The following NUFIP2 variants were observed in gnomAD, a reference collection of about 807,000 sequenced individuals.
NUFIP2 encodes nuclear FMR1 interacting protein 2, also known as FMR1-interacting protein NUFIP2.
A neutral mutation model predicts 56.9 loss-of-function variants in NUFIP2; 6 were observed. That is an observed-to-expected ratio of 0.11 (90% CI 0.06 to 0.21). The LOEUF (loss-of-function observed/expected upper bound fraction) is 0.21. Among genes scored for constraint, NUFIP2 ranks in the 10% least tolerant of loss-of-function variants. NUFIP2 has a pLI of 1.00. For synonymous variants in NUFIP2, 321 were observed against 298.2 expected (o/e 1.08, Z -0.79); for missense variants, 828 against 826.8 (o/e 1.00, Z -0.02).
intron 2 of NUFIP2, among the ~76,000 whole-genome samples, chr17:29,284,428 T>G (rs529190276): frequency 1.2e-3 from 180 of 152,214 alleles, no homozygotes; most frequent in African/African-American, 4.2e-3. Context: ...ACATGAGGCC[T>G]GGCACGGTGG....
Position 29,257,541 on chromosome 17 carries a change from A to C in NUFIP2, c.*6998T>G, listed in dbSNP as rs2068977850. ...ATCTTTTTTTTTTTTAATGACAAGA[A>C]TTGCACAGTTTATTATTTTGAGACA... On this transcript the variant is annotated 3_prime_UTR_variant, in exon 4 of 4. Transcript: ENST00000225388. 1 of 152,078 alleles carries C rather than the reference A, an allele frequency of 6.6e-6. No individual in the cohort carries two copies. Among genetic ancestry groups the C allele is most frequent in the Non-Finnish European group, 1.5e-5 (1 of 68,016 alleles). The allele number at this position is 152,078 out of a possible 1,614,324, so 9.4% of individuals were successfully genotyped here.
rs1173976129 is a variant in NUFIP2, at chr17:29,261,565, TG to T, written c.*2973del. ...CAAACAATAACACGTTATTTAAATG[TG>T]CTAAATTAATCACAGCTGAAGTTTG... On this transcript the variant is annotated 3_prime_UTR_variant, in exon 4 of 4. Coordinates refer to ENST00000225388, the MANE Select transcript of NUFIP2 (RefSeq NM_020772.3). 6.6e-6 allele frequency: 1 copy of T among 152,404 alleles called. No homozygotes were observed. The highest frequency in any genetic ancestry group is 1.5e-5 in the Non-Finnish European group (1 of 67,988). The allele number at this position is 152,404 out of a possible 1,614,324, so 9.4% of individuals were successfully genotyped here.
At chr17:29,285,116 C>T (rs963283371) in intron 2 of NUFIP2, among the ~76,000 whole-genome samples, 4 of 151,900 alleles carry the variant, frequency 2.6e-5, no homozygotes, top group African/African-American at 9.7e-5. Flanking sequence ...GCCTGGCCAA[C>T]ACGGGGAAAC....
At chr17:29,275,803 G>A (rs142860296) in intron 2 of NUFIP2, among the ~76,000 whole-genome samples, 45 of 152,142 alleles carry the variant, frequency 3.0e-4, no homozygotes, top group African/African-American at 9.9e-4. Context: ...CAAGGCGGGT[G>A]GATCACTTGC....
At position 29,287,727 on chromosome 17, in the gene NUFIP2, G is replaced by T. The variant is rs2153012664; in HGVS notation, c.278-11C>A. 1.3e-6 allele frequency: 2 copies of T among 1,548,946 alleles called. No individual in the cohort carries two copies. Among genetic ancestry groups the T allele is most frequent in the East Asian group, 4.6e-5 (2 of 43,844 alleles). On this transcript the variant is annotated splice_polypyrimidine_tract_variant and intron_variant, in intron 1 of 3. Transcript: ENST00000225388. ...TTAGTTCACCATAGCCTAGGGGAGG[G>T]GAAAAAAAGGATTAAAAAAAAAAAT... is the stretch of plus-strand genomic sequence containing the variant.
intron 2 of NUFIP2, among the ~76,000 whole-genome samples, chr17:29,284,179 T>A (rs984995749): frequency 6.6e-6 from 1 of 152,120 alleles, no homozygotes; most frequent in Non-Finnish European, 1.5e-5. Flanking sequence ...ACTGTTAAAA[T>A]GGGAATGTGC....
chr17:29,287,742 A>T (rs2069187217), intron 1 of NUFIP2, 26 bp from the exon 2 acceptor site: 1 of 1,418,250 alleles, frequency 7.1e-7, no homozygotes, highest in South Asian at 1.4e-5. Flanking sequence ...AAAAGGATTA[A>T]AAAAAAAAAT....
At chr17:29,289,260 G>C (rs2069196440) in intron 1 of NUFIP2, among the ~76,000 whole-genome samples, 1 of 152,146 alleles carries the variant, frequency 6.6e-6, no homozygotes, top group African/African-American at 2.4e-5. Flanking sequence ...ACCTTTTTAT[G>C]AAATGTTCAT....
intron 3 of NUFIP2, among the ~76,000 whole-genome samples, 196 bp from the exon 4 acceptor site, chr17:29,264,787 A>G (rs1227400224): frequency 6.6e-6 from 1 of 152,138 alleles, no homozygotes; most frequent in Non-Finnish European, 1.5e-5. Context: ...TGGAATTCCA[A>G]TGAATTCCAA....
chr17:29,289,545 T>C (rs904788613), intron 1 of NUFIP2, among the ~76,000 whole-genome samples: 3 of 152,138 alleles, frequency 2.0e-5, no homozygotes, highest in African/African-American at 2.4e-5. Flanking sequence ...TGAGCCCACA[T>C]TGGGCCACTG....
rs1282253907 is a variant in NUFIP2 at position 29,287,252 on chromosome 17, CTTG to C, written c.739_741del (p.Gln247del). 2 of 1,614,202 alleles carry C rather than the reference CTTG, an allele frequency of 1.2e-6. No individual in the cohort carries two copies. The highest frequency in any genetic ancestry group is 1.7e-6 in the Non-Finnish European group (2 of 1,180,048). ...TGTTTTAAGGTTGGGACACTGGTCT[CTTG>C]TTGCATTATTTTGTCCTGCACTATA... On this transcript the variant is annotated inframe_deletion, in exon 2 of 4. Coordinates refer to ENST00000225388, the MANE Select transcript of NUFIP2 (RefSeq NM_020772.3).
At position 29,285,622 on chromosome 17, in the gene NUFIP2, C is replaced by G. The variant is rs182154011; in HGVS notation, c.2002+370G>C. 1.3e-3 allele frequency among the ~76,000 whole-genome samples: 200 copies of G among 151,826 alleles called. 1 individual carries two copies. Among genetic ancestry groups the G allele is most frequent in the Admixed American group, 4.0e-3 (61 of 15,226 alleles). ...AAAAACACAAAACAAAACAAAAAAG[C>G]AAAGACAAAAAAGCCACGGAAGGAG... On this transcript the variant is annotated intron_variant, in intron 2 of 3. Coordinates refer to ENST00000225388, the MANE Select transcript of NUFIP2 (RefSeq NM_020772.3).
chr17:29,269,595 A>G (rs1245345092), intron 2 of NUFIP2, among the ~76,000 whole-genome samples: 1 of 151,604 alleles, frequency 6.6e-6, no homozygotes, highest in African/African-American at 2.4e-5. Flanking sequence ...TGCAGCCTCA[A>G]TCTCCTGGGT....
At chr17:29,274,391 C>T (rs961597079) in intron 2 of NUFIP2, among the ~76,000 whole-genome samples, 4 of 152,040 alleles carry the variant, frequency 2.6e-5, no homozygotes, top group Non-Finnish European at 5.9e-5. Context: ...GAGGATTGCT[C>T]GAGTCCAAGA....
chr17:29,265,987 T>A (rs1034720182), intron 3 of NUFIP2, among the ~76,000 whole-genome samples: 12 of 152,194 alleles, frequency 7.9e-5, no homozygotes, highest in South Asian at 2.1e-4. Context: ...TTCCTTTTTT[T>A]CAGACGAAGT....
chr17:29,291,749 A>G (rs2069214920), intron 1 of NUFIP2, among the ~76,000 whole-genome samples: 2 of 152,244 alleles, frequency 1.3e-5, no homozygotes, highest in Admixed American at 6.5e-5. Flanking sequence ...AACAAGATCT[A>G]ATGCTAAAAA....
rs1865179176 is a variant in NUFIP2 at position 29,259,013 on chromosome 17, T to C, written c.*5526A>G. On this transcript the variant is annotated 3_prime_UTR_variant, in exon 4 of 4. Coordinates refer to ENST00000225388, the MANE Select transcript of NUFIP2 (RefSeq NM_020772.3). ...AAACAGGGTAAACTAAAGGCATTCA[T>C]TCATATTTACATATTAAAACCACTT... 1 of 152,200 alleles carries C rather than the reference T, an allele frequency of 6.6e-6. No homozygotes were observed. Among genetic ancestry groups the C allele is most frequent in the Admixed American group, 6.5e-5 (1 of 15,290 alleles). The allele number at this position is 152,200 out of a possible 1,614,324, so 9.4% of individuals were successfully genotyped here.
chr17:29,278,807 A>C (rs2069123809), intron 2 of NUFIP2, among the ~76,000 whole-genome samples: 1 of 152,202 alleles, frequency 6.6e-6, no homozygotes, highest in Admixed American at 6.6e-5. Flanking sequence ...ACCAGTATCA[A>C]GGTGAATATA....
chr17:29,291,866 C>T (rs937410505), intron 1 of NUFIP2, among the ~76,000 whole-genome samples: 5 of 152,196 alleles, frequency 3.3e-5, no homozygotes, highest in Non-Finnish European at 7.4e-5. Flanking sequence ...TATCGGGTCC[C>T]TACGAAGTCC....
Sources: allele counts gnomAD v4.1 joint callset (sites outside exome capture counted in the v4.1 genomes callset), GRCh38; gene constraint gnomAD v4.1.1; transcripts MANE v1.5; gene names NCBI Gene and HGNC (gene_info 2026-07-23, HGNC 2026-07-21).